Variants in CTNNA1 observed in about 807,000 individuals in gnomAD.
CTNNA1 encodes catenin alpha-1.
Under a neutral mutation model 98.4 loss-of-function variants are expected in CTNNA1, and 37 were observed. The ratio of observed to expected loss-of-function variants is 0.38; its 90% CI spans 0.29 to 0.49. CTNNA1 has a LOEUF of 0.49. Ranked by LOEUF, CTNNA1 falls within the 20% of genes least tolerant of loss-of-function variation. The pLI is 0.95. For missense variants in CTNNA1, 761 were observed against 1,147.2 expected (o/e 0.66, Z 4.86); for synonymous variants, 404 against 413.2 (o/e 0.98, Z 0.27).
intron 11 of CTNNA1, among the ~76,000 whole-genome samples, chr5:138,921,265 T>C (rs1364230561): frequency 1.3e-5 from 2 of 152,364 alleles, no homozygotes; most frequent in East Asian, 3.9e-4. Context: ...TGATTTCCAT[T>C]CTCTGTGCTT....
intron 7 of CTNNA1, among the ~76,000 whole-genome samples, chr5:138,864,347 A>C (rs766416085): frequency 6.6e-6 from 1 of 152,204 alleles, no homozygotes; most frequent in African/African-American, 2.4e-5. Context: ...GAAAGTTACA[A>C]ATCTTATTAT....
chr5:138,860,916 G>A (rs1764212475), intron 7 of CTNNA1, among the ~76,000 whole-genome samples: 1 of 152,182 alleles, frequency 6.6e-6, no homozygotes, highest in Non-Finnish European at 1.5e-5. Context: ...CTGCAGGAGT[G>A]TGCCGAGGAT....
rs529780737 is a variant in CTNNA1, at chr5:138,908,580, G to A, written c.1389+4139G>A. 2.2e-4 allele frequency among the ~76,000 whole-genome samples: 33 copies of A among 147,882 alleles called. No individual in the cohort carries two copies. In the South Asian group the frequency reaches 3.9e-3, roughly 17 times the overall value. On this transcript the variant is annotated intron_variant, in intron 10 of 17. Coordinates refer to ENST00000302763, the MANE Select transcript of CTNNA1 (RefSeq NM_001903.5). ...CTCAGGAGGCTGAAGCAGGAGGATC[G>A]CTTGAGCGCAGGAGTTCCAGGCTGC...
intron 10 of CTNNA1, among the ~76,000 whole-genome samples, chr5:138,912,950 T>C (rs966749007): frequency 6.6e-6 from 1 of 152,162 alleles, no homozygotes; most frequent in African/African-American, 2.4e-5. Context: ...ATTGAATTTA[T>C]AGGTTGACGT....
intron 10 of CTNNA1, among the ~76,000 whole-genome samples, chr5:138,908,236 A>G (rs1355557256): frequency 1.3e-5 from 2 of 152,152 alleles, no homozygotes; most frequent in African/African-American, 4.8e-5. Context: ...GATTACAGGC[A>G]TGAGTCACTG....
intron 1 of CTNNA1, among the ~76,000 whole-genome samples, chr5:138,761,096 A>G (rs1752311629): frequency 6.6e-6 from 1 of 152,196 alleles, no homozygotes; most frequent in African/African-American, 2.4e-5. Flanking sequence ...GTTGATGCCC[A>G]CTTAGCTCTT....
chr5:138,789,811 T>C (rs899724387), intron 3 of CTNNA1, among the ~76,000 whole-genome samples: 2 of 152,186 alleles, frequency 1.3e-5, no homozygotes, highest in Non-Finnish European at 2.9e-5. Context: ...TGGAATGCCA[T>C]GTGGCATTAC....
chr5:138,830,166 CAAA>C (rs113554684), intron 7 of CTNNA1, among the ~76,000 whole-genome samples: 1 of 135,692 alleles, frequency 7.4e-6, no homozygotes, highest in African/African-American at 2.8e-5. Flanking sequence ...GACTCCATCT[CAAA>C]AAAAAAAAAA....
At chr5:138,900,951 T>C (rs549312310) in intron 9 of CTNNA1, among the ~76,000 whole-genome samples, 5 of 152,310 alleles carry the variant, frequency 3.3e-5, no homozygotes, top group Admixed American at 1.3e-4. Flanking sequence ...TTAGCCTACC[T>C]CTTCGAATAG....
intron 9 of CTNNA1, among the ~76,000 whole-genome samples, chr5:138,900,300 G>A (rs1363198201): frequency 6.6e-6 from 1 of 152,184 alleles, no homozygotes; most frequent in Admixed American, 6.5e-5. Flanking sequence ...TGCTGCGTTG[G>A]TGGGTCATTA....
At chr5:138,776,484 T>C (rs1754194814) in intron 1 of CTNNA1, among the ~76,000 whole-genome samples, 1 of 152,338 alleles carries the variant, frequency 6.6e-6, no homozygotes, top group Admixed American at 6.5e-5. Context: ...TATCAATCCT[T>C]TGCCCGCCTT....
At chr5:138,864,953 A>G (rs908139485) in intron 7 of CTNNA1, among the ~76,000 whole-genome samples, 8 of 151,886 alleles carry the variant, frequency 5.3e-5, no homozygotes, top group Admixed American at 4.6e-4. Flanking sequence ...AGCTGGGATT[A>G]CAGGTGCTCG....
intron 9 of CTNNA1, among the ~76,000 whole-genome samples, chr5:138,898,775 C>G (rs1757431336): frequency 6.6e-6 from 1 of 152,172 alleles, no homozygotes; most frequent in Admixed American, 6.5e-5. Flanking sequence ...ATCATTCTCT[C>G]TGTTCTTTCT....
intron 14 of CTNNA1, 68 bp from the exon 15 acceptor site, chr5:138,930,405 C>A: frequency 1.7e-6 from 2 of 1,166,416 alleles, no homozygotes; most frequent in South Asian, 1.4e-5. Context: ...TGGAAATATT[C>A]TTGGCTAATG....
chr5:138,852,142 T>C (rs1581268120), intron 7 of CTNNA1, among the ~76,000 whole-genome samples: 1 of 152,334 alleles, frequency 6.6e-6, no homozygotes, highest in East Asian at 1.9e-4. Flanking sequence ...GCTATAGTTC[T>C]GGAGCAGGAT....
rs113975068 is a variant in CTNNA1, at chr5:138,932,789, C to T, written c.2433+77C>T. On this transcript the variant is annotated intron_variant, in intron 17 of 17. Transcript: ENST00000302763. ...TCAGAAATGAAAGTCACCTCCTATC[C>T]GCATAAACACCTGCCCTGGGAAAGT... The T allele has an allele frequency of 5.6e-5, 86 of 1,547,284 alleles. 1 individual carries two copies. The highest frequency in any genetic ancestry group is 2.0e-4 in the African/African-American group (15 of 73,814).
In CTNNA1 at chr5:138,874,460, C is replaced by T; in HGVS notation, c.1063-11752C>T. ...CTTCTCGCAGCGGCATTTGGGTGGA[C>T]ACGCCATACCCAGGGCAGGCAGCAT... On this transcript the variant is annotated intron_variant, in intron 7 of 17. Coordinates refer to ENST00000302763, the MANE Select transcript of CTNNA1 (RefSeq NM_001903.5). The surrounding 1 kb of genome is among the most constrained non-coding windows in gnomAD (Gnocchi z 4.1). 2 of 1,613,532 alleles carry T rather than the reference C, an allele frequency of 1.2e-6. No individual in the cohort carries two copies. The highest frequency in any genetic ancestry group is 1.7e-6 in the Non-Finnish European group (2 of 1,179,700).
chr5:138,827,079 T>G (rs910565614), intron 6 of CTNNA1, among the ~76,000 whole-genome samples: 1 of 152,200 alleles, frequency 6.6e-6, no homozygotes, highest in African/African-American at 2.4e-5. Flanking sequence ...ACCTGGCTTG[T>G]TTGGCTTTTA....
rs147794749 is a variant in CTNNA1 at position 138,820,366 on chromosome 5, G to A, written c.589-4164G>A. Among the ~76,000 whole-genome samples the A allele has an allele frequency of 8.7e-3, 1,325 of 152,154 alleles. 9 individuals carry two copies. The highest frequency in any genetic ancestry group is 0.024 in the Middle Eastern group (7 of 294). ...ATGGTATAGCACAGTAGTTGCATGGGCTGTAGAGGGCAGGTCACAGTCTCG... is the reference window on the plus strand; with the variant it reads ...ATGGTATAGCACAGTAGTTGCATGGACTGTAGAGGGCAGGTCACAGTCTCG... On this transcript the variant is annotated intron_variant, in intron 5 of 17. Coordinates refer to ENST00000302763, the MANE Select transcript of CTNNA1 (RefSeq NM_001903.5).
Sources: gnomAD v4.1 joint callset for allele counts (sites outside exome capture counted in the v4.1 genomes callset) on GRCh38, gnomAD v4.1.1 for gene constraint, Gnocchi (gnomAD v3.1) non-coding constraint, MANE v1.5 for transcripts, NCBI Gene and HGNC (gene_info 2026-07-23, HGNC 2026-07-21) for gene names.